The following TNRC6B variants were observed in gnomAD, a reference collection of about 807,000 sequenced individuals.
The protein encoded by TNRC6B is trinucleotide repeat-containing gene 6B protein.
TNRC6B carries 52 observed loss-of-function variants against 203.6 expected under a neutral mutation model. The observed-to-expected ratio is 0.26, with a 90% CI of 0.20 to 0.32. The LOEUF (loss-of-function observed/expected upper bound fraction) is 0.32, where lower values mean the gene tolerates loss of function less well. TNRC6B is among the 10% of genes least tolerant of loss of function. TNRC6B has a pLI of 1.00. For missense variants in TNRC6B, 1,923 were observed against 2,286.2 expected, an observed-to-expected ratio of 0.84 and a Z score of 3.24; for synonymous variants, 838 against 845.7, an observed-to-expected ratio of 0.99 and a Z score of 0.16.
chr22:40,146,448 A>T (rs1013321074), intron 3 of TNRC6B, among the ~76,000 whole-genome samples: 1 of 151,214 alleles, frequency 6.6e-6, no homozygotes, highest in Non-Finnish European at 1.5e-5. Context: ...CAGGCTGGAG[A>T]CCAATGGCAT....
At chr22:40,192,612 G>A (rs1050026825) in intron 1 of TNRC6B, among the ~76,000 whole-genome samples, 1 of 149,190 alleles carries the variant, frequency 6.7e-6, no homozygotes, top group Admixed American at 6.6e-5. Context: ...GCGAGACTCT[G>A]CCTCAAAAAA....
intron 3 of TNRC6B, among the ~76,000 whole-genome samples, chr22:40,142,124 A>G (rs1346223474): frequency 6.6e-6 from 1 of 151,208 alleles, no homozygotes; most frequent in Non-Finnish European, 1.5e-5. Context: ...CAGTGGTGTG[A>G]TTATAGTTCA....
At position 40,150,398 on chromosome 22, in the gene TNRC6B, G is replaced by A. The variant is rs1055740658; in HGVS notation, c.46-5717G>A. ...ATCTCAAAAAAATATATATTTTTAC[G>A]AAATGATTTCAGCAAGCATAAATCC... On this transcript the variant is annotated intron_variant, in intron 3 of 23. Coordinates refer to the TNRC6B transcript ENST00000301923. Among the ~76,000 whole-genome samples the A allele has an allele frequency of 8.5e-5, 13 of 152,194 alleles. No individual in the cohort carries two copies. In the South Asian group the frequency reaches 1.2e-3, roughly 15 times the overall value.
chr22:40,302,265 AC>A (rs951852009), intron 15 of TNRC6B, among the ~76,000 whole-genome samples: 4 of 152,188 alleles, frequency 2.6e-5, no homozygotes, highest in Non-Finnish European at 5.9e-5. Context: ...GATACCACAC[AC>A]CATCATAGTT....
At chr22:40,260,593 C>T (rs1198554458) in intron 3 of TNRC6B, among the ~76,000 whole-genome samples, 1 of 152,090 alleles carries the variant, frequency 6.6e-6, no homozygotes, top group Admixed American at 6.5e-5. Context: ...ATGTTTAGCC[C>T]ATCTAGGCCA....
Position 40,133,154 on chromosome 22 carries a change from G to A in TNRC6B, c.45+7292G>A, listed in dbSNP as rs1484067830. On this transcript the variant is annotated intron_variant, in intron 3 of 23. Coordinates refer to the TNRC6B transcript ENST00000301923. The stretch of plus-strand genomic sequence containing the variant: ...TATCTGTCACATGTGGCTTTGACTG[G>A]TTAAATGTAATGCTCATTTTTCTTA... 2.6e-5 allele frequency among the ~76,000 whole-genome samples: 4 copies of A among 151,446 alleles called. No homozygotes were observed. The Admixed American group carries it at 2.6e-4, about 10-fold the overall frequency.
intron 1 of TNRC6B, among the ~76,000 whole-genome samples, chr22:40,060,829 G>A (rs1221226046): frequency 6.6e-6 from 1 of 152,184 alleles, no homozygotes; most frequent in Non-Finnish European, 1.5e-5. Context: ...GCTTGCCTGA[G>A]CCTAGGAATC....
At chr22:40,090,905 A>T (rs2068145006) in intron 1 of TNRC6B, among the ~76,000 whole-genome samples, 2 of 152,232 alleles carry the variant, frequency 1.3e-5, no homozygotes, top group South Asian at 4.1e-4. Flanking sequence ...TGTGATCAGG[A>T]TCACATCAAA....
chr22:40,244,058 A>G (rs577065071), intron 1 of TNRC6B, among the ~76,000 whole-genome samples: 2 of 152,234 alleles, frequency 1.3e-5, no homozygotes, highest in East Asian at 3.9e-4. Context: ...GTGGAAGCCA[A>G]GTTACAGCAA....
In TNRC6B at chr22:40,059,837, C is replaced by CTTT. The variant is rs1569246471; in HGVS notation, c.-121+14839_-121+14840insTTT. Among the ~76,000 whole-genome samples, 60 of 138,514 alleles carry CTTT rather than the reference C, an allele frequency of 4.3e-4. No individual in the cohort carries two copies. In the East Asian group the frequency reaches 0.011, roughly 25 times the overall value. 90.9% of individuals were successfully genotyped at this position (138,514 alleles called of 152,430 possible). A position where few individuals can be genotyped will look rare whatever the true frequency, so the allele number is the denominator to read the frequency against. ...TTGGTTTTTTTTTTTTTTTTTTTTC[C>CTTT]CCCCGAGACGGAGTCTCGCTCTGTT... On this transcript the variant is annotated intron_variant, in intron 1 of 23. Transcript: ENST00000301923.
At chr22:40,190,761 G>A (rs954614925) in intron 1 of TNRC6B, among the ~76,000 whole-genome samples, 2 of 152,232 alleles carry the variant, frequency 1.3e-5, no homozygotes, top group African/African-American at 4.8e-5. Context: ...GAGTGCTGGG[G>A]CAGAGAGGGG....
At chr22:40,257,200 A>G (rs993608469) in intron 3 of TNRC6B, among the ~76,000 whole-genome samples, 5 of 152,218 alleles carry the variant, frequency 3.3e-5, no homozygotes, top group African/African-American at 1.2e-4. Flanking sequence ...TAAAGGAAAT[A>G]ATAGTTTGTA....
At chr22:40,159,285 A>C (rs1203091599) in intron 4 of TNRC6B, among the ~76,000 whole-genome samples, 23 of 150,080 alleles carry the variant, frequency 1.5e-4, no homozygotes, top group Non-Finnish European at 1.5e-5. Context: ...TTTTTTAATA[A>C]AAGTAATGTA....
chr22:40,131,736 C>T (rs1267131573), intron 3 of TNRC6B, among the ~76,000 whole-genome samples: 1 of 152,094 alleles, frequency 6.6e-6, no homozygotes, highest in African/African-American at 2.4e-5. Context: ...AGCTTTTTTT[C>T]CCTGAATGGT....
intron 1 of TNRC6B, among the ~76,000 whole-genome samples, chr22:40,233,175 T>C (rs758488596): frequency 6.6e-6 from 1 of 151,442 alleles, no homozygotes; most frequent in Non-Finnish European, 1.5e-5. Context: ...GAAAAGAAAT[T>C]AGCCAGGTGT....
At chr22:40,299,519 G>A (rs767159716) in intron 12 of TNRC6B, among the ~76,000 whole-genome samples, 2 of 152,142 alleles carry the variant, frequency 1.3e-5, no homozygotes, top group African/African-American at 4.8e-5. Context: ...GATTACAGGC[G>A]TGAGCCACCA....
intron 12 of TNRC6B, among the ~76,000 whole-genome samples, chr22:40,287,781 G>T (rs2070807881): frequency 6.6e-6 from 1 of 152,184 alleles, no homozygotes; most frequent in African/African-American, 2.4e-5. Flanking sequence ...CTCTCTCTCT[G>T]CAGCCTCTTG....
At chr22:40,216,184 T>C (rs2069632512) in intron 1 of TNRC6B, among the ~76,000 whole-genome samples, 1 of 152,200 alleles carries the variant, frequency 6.6e-6, no homozygotes, top group African/African-American at 2.4e-5. Context: ...TCTTACCTAG[T>C]CAGCTTTTTC....
intron 1 of TNRC6B, among the ~76,000 whole-genome samples, chr22:40,100,966 T>C (rs1416770625): frequency 4.0e-5 from 6 of 151,234 alleles, no homozygotes; most frequent in Non-Finnish European, 7.4e-5. Context: ...TCTCTCCTCA[T>C]CTGGGCCCAT....
Sources: gnomAD v4.1 joint callset for allele counts (sites outside exome capture counted in the v4.1 genomes callset) on GRCh38, gnomAD v4.1.1 for gene constraint, MANE v1.5 for transcripts, NCBI Gene and HGNC (gene_info 2026-07-23, HGNC 2026-07-21) for gene names.